Variants in TMEM132B observed in about 807,000 individuals in gnomAD.
The protein encoded by TMEM132B is transmembrane protein 132B.
TMEM132B carries 18 observed loss-of-function variants against 90.8 expected under a neutral mutation model. The ratio of observed to expected loss-of-function variants is 0.20; its 90% CI spans 0.14 to 0.29. The LOEUF is 0.29. Among genes scored for constraint, TMEM132B ranks in the 10% least tolerant of loss-of-function variants. The pLI, the probability that TMEM132B is intolerant of heterozygous loss-of-function variation, is 1.00. For synonymous variants in TMEM132B, 504 were observed against 523.3 expected (o/e 0.96, Z 0.50); for missense variants, 1,096 against 1,326.8 (o/e 0.83, Z 2.70).
chr12:125,451,623 G>A (rs1431408927), intron 3 of TMEM132B, among the ~76,000 whole-genome samples: 2 of 129,776 alleles, frequency 1.5e-5, no homozygotes, highest in Admixed American at 8.2e-5. Context: ...CAGTTCTGTG[G>A]TCTACTGTTT....
rs867747662 is a variant in TMEM132B at position 125,505,679 on chromosome 12, C to A, written c.1107-13760C>A. On this transcript the variant is annotated intron_variant, in intron 3 of 8. Coordinates refer to ENST00000682704, the MANE Select transcript of TMEM132B (RefSeq NM_001366854.1). ...CACCACTGTGCTCAAGCTTGGGCGA[C>A]AAGAGCGAAACCCCGTCTCAGAAAA... Among the ~76,000 whole-genome samples, 5 of 147,866 alleles carry A rather than the reference C, an allele frequency of 3.4e-5. No homozygotes were observed. The Middle Eastern group carries it at 0.014, about 411-fold the overall frequency.
rs1881388393 is a variant in TMEM132B, at chr12:125,459,791, G to A, written c.1106+44114G>A. 6.6e-6 allele frequency among the ~76,000 whole-genome samples: 1 copy of A among 152,168 alleles called. No homozygotes were observed. Among genetic ancestry groups the A allele is most frequent in the Non-Finnish European group, 1.5e-5 (1 of 68,024 alleles). ...ATTGTAGCTCCCATAATTCCCATGTGTTATGGGAGGGACCTGGTGGGAGAT... is the reference window on the plus strand; with the variant it reads ...ATTGTAGCTCCCATAATTCCCATGTATTATGGGAGGGACCTGGTGGGAGAT... On this transcript the variant is annotated intron_variant, in intron 3 of 8. Coordinates refer to ENST00000682704, the MANE Select transcript of TMEM132B (RefSeq NM_001366854.1). This position sits in a 1 kb window ranked among gnomAD's most constrained non-coding sequence, Gnocchi z 4.1.
At chr12:125,454,376 G>GTGTA (rs1566041122) in intron 3 of TMEM132B, among the ~76,000 whole-genome samples, 1 of 104,918 alleles carries the variant, frequency 9.5e-6, no homozygotes, top group Non-Finnish European at 2.0e-5. Flanking sequence ...ACAGCCAGCC[G>GTGTA]TGTGTGTGTG....
At chr12:125,354,323 AAG>A (rs2136239255) in intron 2 of TMEM132B, among the ~76,000 whole-genome samples, 1 of 152,350 alleles carries the variant, frequency 6.6e-6, no homozygotes, top group Admixed American at 6.5e-5. Context: ...TCAAATATTT[AAG>A]AGAGTTACCA....
At chr12:125,399,357 G>C (rs933997661) in intron 2 of TMEM132B, among the ~76,000 whole-genome samples, 1 of 152,146 alleles carries the variant, frequency 6.6e-6, no homozygotes, top group Non-Finnish European at 1.5e-5. Context: ...AAAACATGCC[G>C]TAGGCTGGGT....
At chr12:125,267,258 T>C (rs915378289) in intron 1 of TMEM132B, among the ~76,000 whole-genome samples, 17 of 152,066 alleles carry the variant, frequency 1.1e-4, no homozygotes, top group African/African-American at 3.4e-4. Flanking sequence ...TGTGTCATGA[T>C]TGGGGTTGCC....
intron 5 of TMEM132B, among the ~76,000 whole-genome samples, chr12:125,615,927 A>C (rs1236530153): frequency 6.6e-6 from 1 of 152,196 alleles, no homozygotes; most frequent in Non-Finnish European, 1.5e-5. Flanking sequence ...AATTCAAAGA[A>C]ATAGCTTAAT....
intron 3 of TMEM132B, among the ~76,000 whole-genome samples, chr12:125,481,409 C>T (rs1192051354): frequency 2.6e-5 from 4 of 152,194 alleles, no homozygotes; most frequent in South Asian, 4.1e-4. Flanking sequence ...TCAGCAAAGT[C>T]TCAGGATACA....
At chr12:125,589,429 C>G (rs1368285109) in intron 5 of TMEM132B, among the ~76,000 whole-genome samples, 1 of 133,500 alleles carries the variant, frequency 7.5e-6, no homozygotes. Flanking sequence ...TTGCAGTGAG[C>G]CAAGATTGCG....
intron 1 of TMEM132B, among the ~76,000 whole-genome samples, chr12:125,330,199 T>C (rs1876722570): frequency 6.6e-6 from 1 of 152,196 alleles, no homozygotes; most frequent in Admixed American, 6.5e-5. Flanking sequence ...CCACTTGTGG[T>C]CTCCTCTGTC....
chr12:125,428,935 C>T (rs1398240005), intron 3 of TMEM132B, among the ~76,000 whole-genome samples: 1 of 152,092 alleles, frequency 6.6e-6, no homozygotes, highest in Non-Finnish European at 1.5e-5. Flanking sequence ...CGGTCTTCAC[C>T]CCTGAAGATA....
Position 125,368,870 on chromosome 12 carries a change from T to C in TMEM132B, c.959+18527T>C, listed in dbSNP as rs569994911. 3.3e-5 allele frequency among the ~76,000 whole-genome samples: 5 copies of C among 152,342 alleles called. No homozygotes were observed. The East Asian group carries it at 7.7e-4, about 24-fold the overall frequency. The stretch of plus-strand genomic sequence containing the variant: ...TAAAACATGTGAGGTGTTGTTCCTG[T>C]CATGATTTTTTTAAATTATACTTTA... On this transcript the variant is annotated intron_variant, in intron 2 of 8. Coordinates refer to ENST00000682704, the MANE Select transcript of TMEM132B (RefSeq NM_001366854.1).
At chr12:125,515,257 C>T (rs1349514694) in intron 3 of TMEM132B, among the ~76,000 whole-genome samples, 2 of 150,798 alleles carry the variant, frequency 1.3e-5, no homozygotes, top group Non-Finnish European at 2.9e-5. Context: ...CACACACACA[C>T]ATTCATACAT....
chr12:125,624,447 C>T (rs1040077073), intron 5 of TMEM132B, among the ~76,000 whole-genome samples: 3 of 152,150 alleles, frequency 2.0e-5, no homozygotes, highest in African/African-American at 7.2e-5. Flanking sequence ...AGGCAACAAC[C>T]TTGTCTTCAA....
chr12:125,210,053 T>G (rs1049111111), intron 1 of TMEM132B, among the ~76,000 whole-genome samples: 1 of 152,160 alleles, frequency 6.6e-6, no homozygotes, highest in Admixed American at 6.5e-5. Context: ...TCTCAGCTCT[T>G]GCAGGGTGGA....
intron 1 of TMEM132B, among the ~76,000 whole-genome samples, chr12:125,343,134 C>T (rs914513054): frequency 1.3e-5 from 2 of 152,156 alleles, no homozygotes; most frequent in Admixed American, 6.5e-5. Context: ...TAATGAATGA[C>T]CACCTTAATC....
intron 1 of TMEM132B, among the ~76,000 whole-genome samples, chr12:125,242,796 A>G (rs2136094041): frequency 6.6e-6 from 1 of 152,166 alleles, no homozygotes; most frequent in African/African-American, 2.4e-5. Flanking sequence ...AGAGCCTCCC[A>G]CTGCCCACTG....
chr12:125,231,765 A>G (rs1361529127), intron 1 of TMEM132B, among the ~76,000 whole-genome samples: 1 of 134,982 alleles, frequency 7.4e-6, no homozygotes, highest in Non-Finnish European at 1.6e-5. Context: ...CTTTAAATTA[A>G]AAAAAAAACC....
intron 4 of TMEM132B, among the ~76,000 whole-genome samples, chr12:125,558,230 G>A (rs772111940): frequency 2.6e-5 from 4 of 152,298 alleles, no homozygotes; most frequent in East Asian, 1.9e-4. Context: ...TGTCTTTGAT[G>A]TCTGTTTGCT....
Sources: allele counts gnomAD v4.1 joint callset (sites outside exome capture counted in the v4.1 genomes callset), GRCh38; gene constraint gnomAD v4.1.1; non-coding constraint Gnocchi (gnomAD v3.1); transcripts MANE v1.5; gene names NCBI Gene and HGNC (gene_info 2026-07-23, HGNC 2026-07-21).